Variants in NXPH2 observed in about 807,000 individuals in gnomAD.
NXPH2 encodes the protein neurexophilin-2.
NXPH2 carries 5 observed loss-of-function variants against 19.8 expected under a neutral mutation model. The observed-to-expected ratio is 0.25, with a 90% CI of 0.13 to 0.53. NXPH2 has a LOEUF of 0.53. Among genes scored for constraint, NXPH2 ranks in the 20% least tolerant of loss-of-function variants. The pLI, the probability that NXPH2 is intolerant of heterozygous loss-of-function variation, is 0.96. For missense variants in NXPH2, 289 were observed against 322.8 expected, an observed-to-expected ratio of 0.90 and a Z score of 0.80; for synonymous variants, 154 against 127.4, an observed-to-expected ratio of 1.21 and a Z score of -1.41.
At chr2:138,742,458 T>C (rs1478596531) in intron 1 of NXPH2, among the ~76,000 whole-genome samples, 1 of 152,192 alleles carries the variant, frequency 6.6e-6, no homozygotes, top group East Asian at 1.9e-4. Context: ...TTGGGTCTTA[T>C]GGGAACGTAT....
chr2:138,704,701 C>G (rs1680981581), intron 1 of NXPH2, among the ~76,000 whole-genome samples: 2 of 152,126 alleles, frequency 1.3e-5, no homozygotes, highest in Admixed American at 6.5e-5. Context: ...CTCAGCAAGT[C>G]TGCAGTGCAG....
At chr2:138,763,596 T>C (rs775536027) in intron 1 of NXPH2, among the ~76,000 whole-genome samples, 1 of 152,164 alleles carries the variant, frequency 6.6e-6, no homozygotes, top group Non-Finnish European at 1.5e-5. Flanking sequence ...TTTGTCCTAG[T>C]AGAGAAAACA....
chr2:138,699,413 T>C (rs1321580327), intron 1 of NXPH2, among the ~76,000 whole-genome samples: 1 of 152,064 alleles, frequency 6.6e-6, no homozygotes, highest in African/African-American at 2.4e-5. Context: ...CAAGGCAATC[T>C]AGATTACCAG....
intron 1 of NXPH2, among the ~76,000 whole-genome samples, chr2:138,770,452 CAAT>C (rs1174750344): frequency 6.6e-6 from 1 of 151,884 alleles, no homozygotes; most frequent in Admixed American, 6.5e-5. Context: ...CAGAATTATT[CAAT>C]AATATTTTGA....
At chr2:138,764,117 A>G (rs2104840570) in intron 1 of NXPH2, among the ~76,000 whole-genome samples, 1 of 152,298 alleles carries the variant, frequency 6.6e-6, no homozygotes, top group Admixed American at 6.5e-5. Flanking sequence ...GCACCAGACC[A>G]CAGAGAAACA....
At chr2:138,762,091 G>A (rs1244261057) in intron 1 of NXPH2, among the ~76,000 whole-genome samples, 1 of 152,202 alleles carries the variant, frequency 6.6e-6, no homozygotes, top group East Asian at 1.9e-4. Flanking sequence ...GAGGGAGAAA[G>A]GAGCAGGTGT....
In NXPH2 at chr2:138,669,237, G is replaced by GTA. The variant is rs766552514; in HGVS notation, c.*1683_*1684dup. On this transcript the variant is annotated 3_prime_UTR_variant, in exon 2 of 2. Transcript: ENST00000272641. ...TTTCTCTGTACACAGAAAATTCTAA[G>GTA]TATATATATATAGATATATGATTCC... 1.2e-4 allele frequency among the ~76,000 whole-genome samples: 18 copies of GTA among 151,820 alleles called. No individual in the cohort carries two copies. Among genetic ancestry groups the GTA allele is most frequent in the African/African-American group, 1.7e-4 (7 of 41,390 alleles).
chr2:138,756,113 A>G (rs144758280), intron 1 of NXPH2, among the ~76,000 whole-genome samples: 1 of 151,878 alleles, frequency 6.6e-6, no homozygotes, highest in Non-Finnish European at 1.5e-5. Flanking sequence ...CAATAATGTA[A>G]TATTTATTAA....
At chr2:138,715,857 G>A (rs1441860650) in intron 1 of NXPH2, among the ~76,000 whole-genome samples, 1 of 152,166 alleles carries the variant, frequency 6.6e-6, no homozygotes, top group Non-Finnish European at 1.5e-5. Context: ...ACAGAGAACA[G>A]GTCTTGAATT....
chr2:138,726,763 A>G (rs1444565207), intron 1 of NXPH2, among the ~76,000 whole-genome samples: 1 of 151,964 alleles, frequency 6.6e-6, no homozygotes, highest in Non-Finnish European at 1.5e-5. Flanking sequence ...ACAGGAGTTG[A>G]CCCTACATTG....
intron 1 of NXPH2, among the ~76,000 whole-genome samples, chr2:138,726,086 AG>A (rs1681353273): frequency 6.6e-6 from 1 of 152,130 alleles, no homozygotes; most frequent in Non-Finnish European, 1.5e-5. Flanking sequence ...TTTGTTGCCC[AG>A]GCTGGAGTGC....
chr2:138,680,883 G>A (rs1006503766), intron 1 of NXPH2, among the ~76,000 whole-genome samples: 2 of 152,118 alleles, frequency 1.3e-5, no homozygotes, highest in African/African-American at 4.8e-5. Context: ...TGATAACATT[G>A]TTAAGACAAC....
intron 1 of NXPH2, among the ~76,000 whole-genome samples, chr2:138,771,647 CT>C (rs911899997): frequency 6.6e-6 from 1 of 152,156 alleles, no homozygotes; most frequent in Non-Finnish European, 1.5e-5. Context: ...AGTGCGTGAT[CT>C]CAGGCAAAGT....
chr2:138,675,950 T>C (rs1009703106), intron 1 of NXPH2, among the ~76,000 whole-genome samples: 12 of 48,108 alleles, frequency 2.5e-4, no homozygotes, highest in African/African-American at 8.5e-4. Context: ...TACATATATA[T>C]ACATATGTGT....
intron 1 of NXPH2, among the ~76,000 whole-genome samples, chr2:138,743,258 T>TAA (rs35691728): frequency 1.1e-4 from 16 of 151,240 alleles, no homozygotes; most frequent in Non-Finnish European, 1.9e-4. Context: ...TCCACCTTAG[T>TAA]AAAAAAAAAG....
chr2:138,719,298 AT>A (rs1681241426), intron 1 of NXPH2, among the ~76,000 whole-genome samples: 1 of 152,152 alleles, frequency 6.6e-6, no homozygotes, highest in Admixed American at 6.6e-5. Flanking sequence ...AGGTAAGAAA[AT>A]TCTTTATATG....
At position 138,771,285 on chromosome 2, in the gene NXPH2, T is replaced by C. The variant is rs571479382; in HGVS notation, c.51+8906A>G. ...TTGCTCTATCAAAGTAGCCAAAATA[T>C]GCTATTGCATTAAAAAAGCTTGTTA... On this transcript the variant is annotated intron_variant, in intron 1 of 1. Coordinates refer to ENST00000272641, the MANE Select transcript of NXPH2 (RefSeq NM_007226.3). Among the ~76,000 whole-genome samples, 335 of 152,232 alleles carry C rather than the reference T, an allele frequency of 2.2e-3. 1 individual carries two copies. Among genetic ancestry groups the C allele is most frequent in the Non-Finnish European group, 3.5e-3 (240 of 68,004 alleles).
In NXPH2 at chr2:138,686,625, A is replaced by G. The variant is rs576277493; in HGVS notation, c.52-14960T>C. Among the ~76,000 whole-genome samples, 5 of 152,278 alleles carry G rather than the reference A, an allele frequency of 3.3e-5. No homozygotes were observed. The South Asian group carries it at 1.0e-3, about 32-fold the overall frequency. Reference sequence around the variant, plus strand: ...GTGCAAGTTTGTTACATATGTATACATGTGCCATGTTGGTGTGCTGCACCC... The same window carrying G: ...GTGCAAGTTTGTTACATATGTATACGTGTGCCATGTTGGTGTGCTGCACCC... On this transcript the variant is annotated intron_variant, in intron 1 of 1. Coordinates refer to ENST00000272641, the MANE Select transcript of NXPH2 (RefSeq NM_007226.3).
intron 1 of NXPH2, among the ~76,000 whole-genome samples, chr2:138,728,895 C>G (rs1032303904): frequency 9.2e-5 from 14 of 152,180 alleles, no homozygotes; most frequent in Non-Finnish European, 1.9e-4. Flanking sequence ...CAAACACAGT[C>G]AAAGTTTTGC....
Sources: allele counts gnomAD v4.1 joint callset (sites outside exome capture counted in the v4.1 genomes callset), GRCh38; gene constraint gnomAD v4.1.1; transcripts MANE v1.5; gene names NCBI Gene and HGNC (gene_info 2026-07-23, HGNC 2026-07-21).